VPS13B: variants seen among roughly 807,000 people sequenced by gnomAD.
VPS13B encodes the protein intermembrane lipid transfer protein VPS13B.
In VPS13B, 285 loss-of-function variants were observed where a neutral mutation model predicts 426.4. The observed-to-expected ratio is 0.67, with a 90% confidence interval of 0.61 to 0.74. VPS13B has a LOEUF of 0.74. Ranked by LOEUF, VPS13B falls within the 30% of genes least tolerant of loss-of-function variation. The pLI, the probability that VPS13B is intolerant of heterozygous loss-of-function variation, is 0.00. For missense variants in VPS13B, 4,537 were observed against 4,782.6 expected (o/e 0.95, Z 1.51); for synonymous variants, 1,676 against 1,676.4 (o/e 1.00, Z 0.01).
Position 99,835,560 on chromosome 8 carries a change from A to G in VPS13B, c.9764A>G (p.Tyr3255Cys). The G allele has an allele frequency of 6.2e-7, 1 of 1,614,178 alleles. No homozygotes were observed. The highest frequency in any genetic ancestry group is 8.5e-7 in the Non-Finnish European group (1 of 1,180,022). The change falls in exon 54 of 62, where the codon TAT becomes TGT. Residue 3255 changes from tyrosine (Y) to cysteine (C), a missense_variant. By Grantham distance (194) the Tyr-to-Cys change is radical. This residue lies in a region of VPS13B where 4,311 missense variants were observed against 4,474.3 expected (regional missense o/e 0.96). Transcript: ENST00000357162. ...TCAGATATTCCAAAGTTTGAGGTTT[A>G]TTGCAAAAAAATTCCCTCCGAGTGC... Reference protein sequence around the residue: ...NIKDIPKFEVYCKKIPSECSI... With the variant: ...NIKDIPKFEVCCKKIPSECSI...
chr8:99,615,250 G>A (rs960761845), intron 33 of VPS13B, among the ~76,000 whole-genome samples: 46 of 151,462 alleles, frequency 3.0e-4, no homozygotes, highest in Admixed American at 2.8e-3. Flanking sequence ...ATTATTAGCC[G>A]TCTTCTAAAT....
At chr8:99,022,800 A>C (rs892153948) in intron 2 of VPS13B, among the ~76,000 whole-genome samples, 2 of 152,072 alleles carry the variant, frequency 1.3e-5, no homozygotes, top group African/African-American at 4.8e-5. Context: ...TATTAAGTGT[A>C]TACAAATTTA....
intron 19 of VPS13B, among the ~76,000 whole-genome samples, chr8:99,337,755 T>G (rs1273097227): frequency 6.6e-6 from 1 of 152,198 alleles, no homozygotes; most frequent in African/African-American, 2.4e-5. Context: ...TTTTAGTGAT[T>G]AGTGCTTTTA....
At chr8:99,834,273 A>T (rs35845479) in intron 52 of VPS13B, among the ~76,000 whole-genome samples, 55,046 of 152,136 alleles carry the variant, frequency 0.36, 10,184 homozygotes, top group East Asian at 0.47. Context: ...CCTGCTTCAA[A>T]GAAATATTCT....
At chr8:99,083,314 T>G (rs1423289553) in intron 3 of VPS13B, among the ~76,000 whole-genome samples, 1 of 152,222 alleles carries the variant, frequency 6.6e-6, no homozygotes, top group Non-Finnish European at 1.5e-5. Context: ...TTTTGTATCC[T>G]GAGACTTTGC....
At chr8:99,136,851 T>G (rs1423474352) in intron 12 of VPS13B, 99 bp downstream of exon 12, 3 of 1,148,648 alleles carry the variant, frequency 2.6e-6, no homozygotes, top group East Asian at 4.7e-5. Context: ...CTCTGCTACA[T>G]AAGATTTATC....
intron 29 of VPS13B, among the ~76,000 whole-genome samples, chr8:99,518,585 T>A (rs1487651595): frequency 6.6e-6 from 1 of 152,176 alleles, no homozygotes. Context: ...ACCTTCCTAC[T>A]ATTTTGCCTT....
At chr8:99,742,198 T>C (rs1413828793) in intron 39 of VPS13B, among the ~76,000 whole-genome samples, 1 of 152,106 alleles carries the variant, frequency 6.6e-6, no homozygotes, top group Non-Finnish European at 1.5e-5. Flanking sequence ...TATAAACACC[T>C]CTACGCAAAT....
At chr8:99,044,023 C>CCTCT in intron 3 of VPS13B, among the ~76,000 whole-genome samples, 1 of 150,838 alleles carries the variant, frequency 6.6e-6, no homozygotes, top group Non-Finnish European at 1.5e-5. Flanking sequence ...ACCATGTTTC[C>CCTCT]CTCTCTAGCT....
chr8:99,707,639 T>C (rs1368139233), intron 36 of VPS13B, among the ~76,000 whole-genome samples: 1 of 152,150 alleles, frequency 6.6e-6, no homozygotes, highest in Non-Finnish European at 1.5e-5. Context: ...CAACTTAGTC[T>C]CAGACAAATT....
chr8:99,764,102 A>AT (rs1811082087), intron 39 of VPS13B, among the ~76,000 whole-genome samples: 4 of 152,118 alleles, frequency 2.6e-5, no homozygotes, highest in African/African-American at 9.7e-5. Context: ...TGCTAGTAAT[A>AT]TTTTTTTAAA....
At chr8:99,561,130 A>G (rs2133775997) in intron 31 of VPS13B, among the ~76,000 whole-genome samples, 1 of 152,300 alleles carries the variant, frequency 6.6e-6, no homozygotes. Flanking sequence ...GTCTAGTTCC[A>G]AAACATTTTC....
chr8:99,677,229 T>C (rs953931890), intron 35 of VPS13B, among the ~76,000 whole-genome samples: 4 of 152,234 alleles, frequency 2.6e-5, no homozygotes, highest in Non-Finnish European at 5.9e-5. Context: ...TGCCAGAAAT[T>C]GGGCTAAGGC....
intron 33 of VPS13B, among the ~76,000 whole-genome samples, chr8:99,621,366 C>A (rs1010641583): frequency 6.6e-6 from 1 of 152,178 alleles, no homozygotes; most frequent in Non-Finnish European, 1.5e-5. Flanking sequence ...ATAGTTAGGA[C>A]AAGATCTTGA....
chr8:99,567,187 C>T (rs1165039052), intron 31 of VPS13B, among the ~76,000 whole-genome samples: 1 of 152,180 alleles, frequency 6.6e-6, no homozygotes, highest in Non-Finnish European at 1.5e-5. Context: ...AGCAATACCC[C>T]TAGTCGCTCC....
At chr8:99,597,397 C>T (rs1293675525) in intron 33 of VPS13B, among the ~76,000 whole-genome samples, 1 of 151,798 alleles carries the variant, frequency 6.6e-6, no homozygotes, top group Admixed American at 6.6e-5. Context: ...TTACCACTGT[C>T]GTATGAAGAA....
At chr8:99,204,245 A>G (rs1294974834) in intron 17 of VPS13B, among the ~76,000 whole-genome samples, 1 of 152,214 alleles carries the variant, frequency 6.6e-6, no homozygotes, top group Non-Finnish European at 1.5e-5. Context: ...CCCGACAAAA[A>G]CTAGCAATGG....
rs1814196771 is a variant in VPS13B at position 99,818,803 on chromosome 8, A to G, written c.8536A>G (p.Thr2846Ala). The change falls in exon 47 of 62, where the codon ACA (threonine) becomes GCA (alanine). Residue 2846 changes from threonine to alanine, a missense_variant. By Grantham distance (58) the Thr-to-Ala change is moderately conservative. Transcript: ENST00000357162. ...LEKRSLGLSE[T>A]QIIPGKGQEK... ...GAAAAGGAGTCTGGGATTGAGTGAA[A>G]CACAAATTATTCCAGGAAAAGGGCA... The G allele has an allele frequency of 1.2e-6, 2 of 1,613,966 alleles. No individual in the cohort carries two copies.
intron 17 of VPS13B, among the ~76,000 whole-genome samples, chr8:99,246,669 C>G (rs1338509356): frequency 6.6e-6 from 1 of 151,956 alleles, no homozygotes; most frequent in East Asian, 1.9e-4. Context: ...AGTTCGAGAC[C>G]ACCTTGGCTA....
Sources: gnomAD v4.1 joint callset for allele counts (sites outside exome capture counted in the v4.1 genomes callset) on GRCh38, gnomAD v4.1.1 for gene constraint, gnomAD v4.1.1 regional missense constraint, MANE v1.5 for transcripts, NCBI Gene and HGNC (gene_info 2026-07-23, HGNC 2026-07-21) for gene names.